HMCN2: variants seen among roughly 807,000 people sequenced by gnomAD.
HMCN2 encodes hemicentin-2.
HMCN2 carries 325 observed loss-of-function variants against 377.5 expected under a neutral mutation model. The observed-to-expected ratio is 0.86, with a 90% confidence interval of 0.79 to 0.94. HMCN2 has a LOEUF of 0.94. Among genes scored for constraint, HMCN2 ranks in the 40% least tolerant of loss-of-function variants. The pLI is 0.00. For missense variants in HMCN2, 4,543 were observed against 4,725.3 expected (o/e 0.96, Z 1.13); for synonymous variants, 2,007 against 2,046.8 (o/e 0.98, Z 0.53).
At position 130,351,522 on chromosome 9, in the gene HMCN2, C is replaced by T. The variant is rs561062479; in HGVS notation, c.4530C>T (p.Cys1510=). 7.4e-5 allele frequency: 96 copies of T among 1,304,238 alleles called. No homozygotes were observed. The highest frequency in any genetic ancestry group is 1.1e-4 in the East Asian group (2 of 18,030). The allele number at this position is 1,304,238 out of a possible 1,614,324, so 80.8% of individuals were successfully genotyped here. Residue 1510 remains cysteine (C), a synonymous_variant, in exon 30 of 98, where the codon TGC becomes TGT. Transcript: ENST00000683500. The surrounding 1 kb of genome is among the most constrained non-coding windows in gnomAD (Gnocchi z 5.4). The part of the protein sequence containing the change: ...SHVGDEGRYQ[C]VAFSPAGQQA... ...TGGGGGATGAGGGACGATACCAGTG[C>T]GTGGCCTTCAGCCCAGCTGGTCAGC... is the stretch of plus-strand genomic sequence containing the variant.
rs1194008643 is a variant in HMCN2 at position 130,393,180 on chromosome 9, T to C, written c.10137-32T>C. 2 of 983,632 alleles carry C rather than the reference T, an allele frequency of 2.0e-6. No homozygotes were observed. The highest frequency in any genetic ancestry group is 2.4e-6 in the Non-Finnish European group (2 of 826,194). The allele number at this position is 983,632 out of a possible 1,614,324, so 60.9% of individuals were successfully genotyped here. ...CCTCTCTCTCTCTCCCTTTCTCTTGTCTCCTTCTCCCTCTCCTCTCGGGGG... is the reference window on the plus strand; with the variant it reads ...CCTCTCTCTCTCTCCCTTTCTCTTGCCTCCTTCTCCCTCTCCTCTCGGGGG... On this transcript the variant is annotated intron_variant, in intron 66 of 97. Transcript: ENST00000683500. This position sits in a 1 kb window ranked among gnomAD's most constrained non-coding sequence, Gnocchi z 5.2.
At chr9:130,352,384 A>G (rs1263591326) in intron 30 of HMCN2, among the ~76,000 whole-genome samples, 2 of 152,234 alleles carry the variant, frequency 1.3e-5, no homozygotes. Flanking sequence ...AAAAGCGGAG[A>G]GTAGAAAGTG....
Position 130,428,490 on chromosome 9 carries a change from G to A in HMCN2, c.14197+1G>A. On this transcript the variant is annotated splice_donor_variant, in intron 93 of 97. Coordinates refer to ENST00000683500, the MANE Select transcript of HMCN2 (RefSeq NM_001291815.2). LOFTEE classifies it high-confidence loss of function. The surrounding 1 kb of genome is among the most constrained non-coding windows in gnomAD (Gnocchi z 5.0). ...GTGGCTGATGGGGCCGGCTGTGAAG[G>A]TGATGGGGGCACAGCATGCGGCCTG... 1 of 1,539,636 alleles carries A rather than the reference G, an allele frequency of 6.5e-7. No individual in the cohort carries two copies. The highest frequency in any genetic ancestry group is 1.2e-5 in the South Asian group (1 of 84,056).
chr9:130,387,145 G>C (rs1305914870), intron 61 of HMCN2, among the ~76,000 whole-genome samples: 2 of 152,260 alleles, frequency 1.3e-5, no homozygotes, highest in East Asian at 3.8e-4. Context: ...ATGGAGCACA[G>C]ATGCTGTTTG....
intron 48 of HMCN2, 121 bp from the exon 49 acceptor site, chr9:130,374,381 A>G (rs1309532275): frequency 1.4e-5 from 5 of 347,584 alleles, no homozygotes; most frequent in Non-Finnish European, 2.0e-5. Flanking sequence ...CTTGTGCTTC[A>G]TGGGCCTCTG....
At chr9:130,341,957 CTT>C (rs1489521264) in intron 24 of HMCN2, among the ~76,000 whole-genome samples, 1 of 151,744 alleles carries the variant, frequency 6.6e-6, no homozygotes, top group East Asian at 1.9e-4. Flanking sequence ...GGGTGGATCG[CTT>C]GAGCCCAGGA....
rs1316977541 is a variant in HMCN2 at position 130,376,621 on chromosome 9, T to G, written c.8024T>G (p.Val2675Gly). The G allele has an allele frequency of 1.0e-6, 1 of 985,604 alleles. No homozygotes were observed. Among genetic ancestry groups the G allele is most frequent in the Non-Finnish European group, 1.2e-6 (1 of 829,920 alleles). 61.1% of individuals were successfully genotyped at this position (985,604 alleles called of 1,614,324 possible). The change falls in exon 52 of 98, where the codon GTG becomes GGG. Residue 2675 changes from valine to glycine, a missense_variant. Physicochemically the swap from Val to Gly is moderately radical, Grantham distance 109 (BLOSUM62 -3). Transcript: ENST00000683500. The stretch of plus-strand genomic sequence containing the variant: ...ACCTTGGAGTGTGAGAGCTGGGCTG[T>G]GCCCCCGCCCACCATCCGCTGGTAC... ...TLTLECESWA[V>G]PPPTIRWYKD... is the part of the protein sequence containing the mutation.
Position 130,428,480 on chromosome 9 carries a change from G to T in HMCN2, c.14188G>T (p.Gly4730Cys). Residue 4730 changes from glycine to cysteine, a missense_variant, in exon 93 of 98, where the codon GGC becomes TGC. By Grantham distance (159) the Gly-to-Cys change is radical (BLOSUM62 -3). Transcript: ENST00000683500. This position sits in a 1 kb window ranked among gnomAD's most constrained non-coding sequence, Gnocchi z 5.0. ...GPGFRVADGA[G>C]CEDVDECLEG... ...TGGCTTCCGGGTGGCTGATGGGGCC[G>T]GCTGTGAAGGTGATGGGGGCACAGC... is the stretch of plus-strand genomic sequence containing the variant. 1.3e-6 allele frequency: 2 copies of T among 1,540,856 alleles called. No homozygotes were observed. Among genetic ancestry groups the T allele is most frequent in the Non-Finnish European group, 1.7e-6 (2 of 1,146,894 alleles).
chr9:130,277,727 C>T (rs1354558638), intron 1 of HMCN2, among the ~76,000 whole-genome samples: 2 of 148,610 alleles, frequency 1.3e-5, no homozygotes, highest in Non-Finnish European at 3.0e-5. Context: ...ACCACCACCA[C>T]CACCATCATC....
At chr9:130,337,656 G>A (rs1183882730) in intron 22 of HMCN2, among the ~76,000 whole-genome samples, 2 of 150,802 alleles carry the variant, frequency 1.3e-5, no homozygotes, top group South Asian at 2.1e-4. Context: ...GTTTAGACTC[G>A]AACCCAAGCC....
intron 96 of HMCN2, among the ~76,000 whole-genome samples, chr9:130,431,857 T>C (rs1267098030): frequency 2.6e-5 from 4 of 152,126 alleles, no homozygotes; most frequent in African/African-American, 9.7e-5. Flanking sequence ...GCTGTGGAGG[T>C]TGAGCACAGA....
chr9:130,310,518 A>C lies in HMCN2; in HGVS notation c.2350+457A>C, dbSNP rs1169146215. 2.0e-5 allele frequency among the ~76,000 whole-genome samples: 3 copies of C among 152,336 alleles called. No individual in the cohort carries two copies. In the South Asian group the frequency reaches 6.2e-4, roughly 32 times the overall value. ...AGAGGGAAGCCACAGTCTTGGAAGT[A>C]ACAAGCCATCGCTTCTGCCCTATTC... On this transcript the variant is annotated intron_variant, in intron 15 of 97. Coordinates refer to ENST00000683500, the MANE Select transcript of HMCN2 (RefSeq NM_001291815.2).
In HMCN2 at chr9:130,403,225, G is replaced by A. The variant is rs1192753814; in HGVS notation, c.11910G>A (p.Val3970=). ...ASPVVKPLPS[V]VRAVAEEEVL... Reference sequence around the variant, plus strand: ...CGGTGGTGAAGCCGCTGCCCAGCGTGGTTCGGGCAGTGGCAGAGGAGGAGG... The same window carrying A: ...CGGTGGTGAAGCCGCTGCCCAGCGTAGTTCGGGCAGTGGCAGAGGAGGAGG... Residue 3970 remains valine, a synonymous_variant, in exon 79 of 98, where the codon GTG becomes GTA. Coordinates refer to ENST00000683500, the MANE Select transcript of HMCN2 (RefSeq NM_001291815.2). 1 of 1,289,766 alleles carries A rather than the reference G, an allele frequency of 7.8e-7. No individual in the cohort carries two copies. The highest frequency in any genetic ancestry group is 1.5e-5 in the African/African-American group (1 of 65,980). 79.9% of individuals were successfully genotyped at this position (1,289,766 alleles called of 1,614,324 possible).
intron 25 of HMCN2, among the ~76,000 whole-genome samples, chr9:130,345,778 G>A (rs932711389): frequency 4.3e-4 from 66 of 152,092 alleles, no homozygotes; most frequent in African/African-American, 1.4e-3. Flanking sequence ...GACACCCAGA[G>A]CGTGGGTGGA....
At position 130,422,151 on chromosome 9, in the gene HMCN2, C is replaced by T. The variant is rs1458393926; in HGVS notation, c.13232-426C>T. On this transcript the variant is annotated intron_variant, in intron 86 of 97. Transcript: ENST00000683500. The surrounding 1 kb of genome is among the most constrained non-coding windows in gnomAD (Gnocchi z 4.2). The stretch of plus-strand genomic sequence containing the variant: ...GAATGGGGCTGTTCAGGTGATGGCA[C>T]CCGGCTCTGGCTCGGTGCCCTGGCT... Among the ~76,000 whole-genome samples, 1 of 152,242 alleles carries T rather than the reference C, an allele frequency of 6.6e-6. No homozygotes were observed. Among genetic ancestry groups the T allele is most frequent in the Non-Finnish European group, 1.5e-5 (1 of 68,044 alleles).
chr9:130,318,843 A>G (rs1933609883), intron 15 of HMCN2, among the ~76,000 whole-genome samples: 2 of 152,218 alleles, frequency 1.3e-5, no homozygotes, highest in Admixed American at 6.5e-5. Context: ...TTTCCAAAAA[A>G]GTTCAGCCAA....
chr9:130,273,553 A>C (rs1460511123), intron 1 of HMCN2, among the ~76,000 whole-genome samples: 2 of 151,882 alleles, frequency 1.3e-5, no homozygotes, highest in East Asian at 3.9e-4. Context: ...GCTGGAGTGC[A>C]GTGGTGCAGT....
intron 86 of HMCN2, among the ~76,000 whole-genome samples, chr9:130,419,975 G>A (rs1454096514): frequency 2.0e-5 from 3 of 151,940 alleles, no homozygotes; most frequent in Admixed American, 6.6e-5. Flanking sequence ...AAAGTTCAGC[G>A]GTTCTCTGAC....
intron 65 of HMCN2, 139 bp from the exon 66 acceptor site, chr9:130,391,796 C>T (rs952426963): frequency 5.0e-5 from 26 of 521,604 alleles, no homozygotes; most frequent in Non-Finnish European, 6.2e-5. Context: ...CCCCATGCAG[C>T]GGGCCTCATC....
Sources: gnomAD v4.1 joint callset for allele counts (sites outside exome capture counted in the v4.1 genomes callset) on GRCh38, gnomAD v4.1.1 for gene constraint, Gnocchi (gnomAD v3.1) non-coding constraint, MANE v1.5 for transcripts, NCBI Gene and HGNC (gene_info 2026-07-23, HGNC 2026-07-21) for gene names.